WFDC1: variants seen among roughly 807,000 people sequenced by gnomAD.
WFDC1 encodes the protein WAP four-disulfide core domain protein 1.
In WFDC1, 39 loss-of-function variants were observed where a neutral mutation model predicts 32.9. That is an observed-to-expected ratio of 1.19 (90% CI 0.92 to 1.55). The LOEUF is 1.55. WFDC1 is among the 40% of genes most tolerant of loss of function. WFDC1 has a pLI of 0.00. For missense variants in WFDC1, 386 were observed against 309.5 expected (o/e 1.25, Z -1.85); for synonymous variants, 184 against 137.4 (o/e 1.34, Z -2.37).
intron 4 of WFDC1, among the ~76,000 whole-genome samples, chr16:84,320,217 G>A (rs922386305): frequency 1.3e-5 from 2 of 152,196 alleles, no homozygotes; most frequent in Non-Finnish European, 2.9e-5. Context: ...CTAGGCTAAT[G>A]TAAGTGTTCT....
At chr16:84,296,682 T>C (rs147358477) in intron 1 of WFDC1, among the ~76,000 whole-genome samples, 39 of 150,856 alleles carry the variant, frequency 2.6e-4, no homozygotes, top group African/African-American at 9.0e-4. Flanking sequence ...GTGGAAAGAG[T>C]AGTAGAGTGA....
At chr16:84,310,003 C>T (rs933166721) in intron 1 of WFDC1, among the ~76,000 whole-genome samples, 6 of 152,048 alleles carry the variant, frequency 3.9e-5, no homozygotes, top group African/African-American at 1.4e-4. Context: ...CTGCAAAGAC[C>T]CTTTTTCCTT....
chr16:84,306,244 C>T (rs933240799), intron 1 of WFDC1, among the ~76,000 whole-genome samples: 6 of 152,196 alleles, frequency 3.9e-5, no homozygotes, highest in South Asian at 2.1e-4. Flanking sequence ...AACCCAGACG[C>T]GTCAGACTCC....
intron 4 of WFDC1, 35 bp downstream of exon 4, chr16:84,319,606 T>C (rs763648002): frequency 6.2e-7 from 1 of 1,604,906 alleles, no homozygotes; most frequent in Non-Finnish European, 8.5e-7. Context: ...TCCTGGCTCC[T>C]GCCCCAGTCC....
intron 2 of WFDC1, 21 bp downstream of exon 2, chr16:84,313,174 A>C (rs1397954989): frequency 2.6e-5 from 36 of 1,397,830 alleles, no homozygotes; most frequent in Non-Finnish European, 3.1e-5. Flanking sequence ...GGCCCGAGGG[A>C]GGGGGCTGAG....
At chr16:84,312,687 T>C (rs1466980517) in intron 1 of WFDC1, among the ~76,000 whole-genome samples, 1 of 152,166 alleles carries the variant, frequency 6.6e-6, no homozygotes, top group Non-Finnish European at 1.5e-5. Flanking sequence ...GGTAGATACT[T>C]AAGTAATTGT....
intron 1 of WFDC1, among the ~76,000 whole-genome samples, chr16:84,302,286 G>A (rs1906987883): frequency 6.6e-6 from 1 of 152,172 alleles, no homozygotes; most frequent in Admixed American, 6.5e-5. Flanking sequence ...AATAGATCAT[G>A]GAGGTGGTTG....
In WFDC1 at chr16:84,318,354, A is replaced by G; in HGVS notation, c.420A>G (p.Gln140=). The G allele has an allele frequency of 6.2e-7, 1 of 1,613,940 alleles. No individual in the cohort carries two copies. The highest frequency in any genetic ancestry group is 8.5e-7 in the Non-Finnish European group (1 of 1,179,884). ...WLLDGPEEVL[Q]AEACSTTEDG... ...TGGATGGCCCTGAGGAGGTGTTACA[A>G]GGTACCTGCCGGGTAAAGCCCAGAC... Residue 140 remains glutamine, a splice_region_variant and synonymous_variant, in exon 3 of 7, where the codon CAA becomes CAG. Transcript: ENST00000219454.
chr16:84,319,474 C>G lies in WFDC1; in HGVS notation c.465C>G (p.Leu155=), dbSNP rs1204308250. 3.1e-6 allele frequency: 5 copies of G among 1,612,300 alleles called. No homozygotes were observed. The highest frequency in any genetic ancestry group is 4.2e-6 in the Non-Finnish European group (5 of 1,179,974). ...STTEDGAEPL[L]CPSGYECHIL... ...CGGAGGATGGGGCCGAACCCCTGCT[C>G]TGTCCCTCGGGCTATGAGTGCCACA... is the stretch of plus-strand genomic sequence containing the variant. Residue 155 remains leucine (L), a synonymous_variant, in exon 4 of 7, where the codon CTC becomes CTG. Transcript: ENST00000219454.
intron 1 of WFDC1, among the ~76,000 whole-genome samples, chr16:84,304,342 C>T (rs191848335): frequency 6.6e-6 from 1 of 152,092 alleles, no homozygotes. Flanking sequence ...GATTCTCCTG[C>T]CTCAGCCTCC....
intron 1 of WFDC1, among the ~76,000 whole-genome samples, chr16:84,308,164 G>T (rs952323205): frequency 6.6e-6 from 1 of 152,048 alleles, no homozygotes; most frequent in Non-Finnish European, 1.5e-5. Context: ...ACCACCCCCC[G>T]CTCCTGCTTG....
At chr16:84,295,349 A>C in intron 1 of WFDC1, 2 of 526,320 alleles carry the variant, frequency 3.8e-6, no homozygotes, top group South Asian at 3.2e-5. Flanking sequence ...AAATGTGCCA[A>C]AGAATCGTGC....
chr16:84,321,560 G>A (rs546833102), intron 4 of WFDC1, among the ~76,000 whole-genome samples: 1 of 152,292 alleles, frequency 6.6e-6, no homozygotes, highest in African/African-American at 2.4e-5. Flanking sequence ...TTTTCATTCA[G>A]CCCTATGATG....
chr16:84,319,644 G>T lies in WFDC1; in HGVS notation c.562+73G>T, dbSNP rs563027864. 18 of 1,554,266 alleles carry T rather than the reference G, an allele frequency of 1.2e-5. No individual in the cohort carries two copies. The Admixed American group carries it at 2.9e-4, about 25-fold the overall frequency. On this transcript the variant is annotated intron_variant, in intron 4 of 6. Coordinates refer to ENST00000219454, the MANE Select transcript of WFDC1 (RefSeq NM_021197.4). ...TTCTCCCTGTAAGCGCCTCTCACCC[G>T]CATGGACGACCTGCCCCAGGAAGCA...
At chr16:84,301,068 G>A (rs574857266) in intron 1 of WFDC1, among the ~76,000 whole-genome samples, 18 of 152,236 alleles carry the variant, frequency 1.2e-4, no homozygotes, top group South Asian at 4.1e-4. Flanking sequence ...TCAGAGTGAT[G>A]TATCTACAAG....
intron 4 of WFDC1, among the ~76,000 whole-genome samples, chr16:84,323,141 T>C (rs1002464256): frequency 2.6e-5 from 4 of 152,186 alleles, no homozygotes; most frequent in Non-Finnish European, 2.9e-5. Context: ...AAAATAGTTA[T>C]TGCTGCAGTT....
intron 1 of WFDC1, among the ~76,000 whole-genome samples, chr16:84,304,050 G>T (rs1396190372): frequency 1.3e-5 from 2 of 152,210 alleles, no homozygotes; most frequent in African/African-American, 4.8e-5. Flanking sequence ...GGTGTTCTCT[G>T]TGCCTTCACT....
chr16:84,297,435 T>A (rs1451033187), intron 1 of WFDC1, among the ~76,000 whole-genome samples: 2 of 151,876 alleles, frequency 1.3e-5, no homozygotes, highest in Non-Finnish European at 2.9e-5. Flanking sequence ...CTGACCAACA[T>A]GGTGAAACCC....
At position 84,320,502 on chromosome 16, in the gene WFDC1, T is replaced by C. The variant is rs796424876; in HGVS notation, c.562+931T>C. On this transcript the variant is annotated intron_variant, in intron 4 of 6. Transcript: ENST00000219454. ...GCAATAAATAGATGAGTGAATTGTG[T>C]TGCTCTCATTGGCATAATTTTCCCA... Among the ~76,000 whole-genome samples, 11 of 152,390 alleles carry C rather than the reference T, an allele frequency of 7.2e-5. 1 individual carries two copies. The highest frequency in any genetic ancestry group is 2.6e-4 in the African/African-American group (11 of 41,600).
Sources: gnomAD v4.1 joint callset for allele counts (sites outside exome capture counted in the v4.1 genomes callset) on GRCh38, gnomAD v4.1.1 for gene constraint, MANE v1.5 for transcripts, NCBI Gene and HGNC (gene_info 2026-07-23, HGNC 2026-07-21) for gene names.